The following NPB variants were observed in gnomAD, a reference collection of about 807,000 sequenced individuals.
NPB encodes neuropeptide B.
In NPB, 8 loss-of-function variants were observed where a neutral mutation model predicts 6.7. That is an observed-to-expected ratio of 1.20 (90% CI 0.71 to 2.17). The LOEUF (loss-of-function observed/expected upper bound fraction) is 2.17, where lower values mean the gene tolerates loss of function less well. Ranked by LOEUF, NPB falls within the 30% of genes most tolerant of loss-of-function variation. NPB has a pLI of 0.00. For missense variants in NPB, 199 were observed against 190.2 expected, an observed-to-expected ratio of 1.05 and a Z score of -0.27; for synonymous variants, 118 against 103.4, an observed-to-expected ratio of 1.14 and a Z score of -0.86.
chr17:81,902,418 C>T lies in NPB; in HGVS notation c.141C>T (p.Leu47=). ...GCGCCGCGGGGCTGCTGTCCGGCCT[C>T]CGCAGGTCCCCGTACGCGCGGCGCT... The part of the protein sequence containing the change: ...VGRAAGLLSG[L]RRSPYARRSQ... Residue 47 remains leucine (L), a synonymous_variant, in exon 1 of 2, where the codon CTC becomes CTT. Coordinates refer to ENST00000333383, the MANE Select transcript of NPB (RefSeq NM_148896.5). 1.5e-6 allele frequency: 2 copies of T among 1,351,598 alleles called. No individual in the cohort carries two copies. Among genetic ancestry groups the T allele is most frequent in the Non-Finnish European group, 1.9e-6 (2 of 1,059,380 alleles). 83.7% of individuals were successfully genotyped at this position (1,351,598 alleles called of 1,614,324 possible). A position where few individuals can be genotyped will look rare whatever the true frequency, so the allele number is the denominator to read the frequency against.
Position 81,902,616 on chromosome 17 carries a change from C to G in NPB, c.250-4C>G. On this transcript the variant is annotated splice_polypyrimidine_tract_variant and splice_region_variant and intron_variant, in intron 1 of 1. Coordinates refer to ENST00000333383, the MANE Select transcript of NPB (RefSeq NM_148896.5). ...CCCTCAGCCTTTGCTTGCCTGCCCC[C>G]CAGGCTGTGTGCGTCCAGGACGTCG... The G allele has an allele frequency of 6.3e-7, 1 of 1,581,488 alleles. No individual in the cohort carries two copies.
Position 81,902,352 on chromosome 17 carries a change from G to T in NPB, c.75G>T (p.Trp25Cys). 7.4e-7 allele frequency: 1 copy of T among 1,348,746 alleles called. No individual in the cohort carries two copies. Among genetic ancestry groups the T allele is most frequent in the South Asian group, 1.9e-5 (1 of 51,352 alleles). 83.5% of individuals were successfully genotyped at this position (1,348,746 alleles called of 1,614,324 possible). A position where few individuals can be genotyped will look rare whatever the true frequency, so the allele number is the denominator to read the frequency against. ...CLLLAPPGLAWYKPAAGHSSY... is the reference protein window; with the variant it reads ...CLLLAPPGLACYKPAAGHSSY... ...TGCTGGCGCCGCCTGGCCTCGCGTGGTACAAGCCAGCGGCGGGGCACAGCT... is the reference window on the plus strand; with the variant it reads ...TGCTGGCGCCGCCTGGCCTCGCGTGTTACAAGCCAGCGGCGGGGCACAGCT... Residue 25 changes from tryptophan (W) to cysteine (C), a missense_variant, in exon 1 of 2, where the codon TGG becomes TGT. Trp to Cys is a radical substitution (Grantham distance 215). Transcript: ENST00000333383.
At position 81,902,285 on chromosome 17, in the gene NPB, G is replaced by A. The variant is rs1354484896; in HGVS notation, c.8G>A (p.Arg3Gln). 1 of 1,310,780 alleles carries A rather than the reference G, an allele frequency of 7.6e-7. No homozygotes were observed. The highest frequency in any genetic ancestry group is 2.3e-5 in the South Asian group (1 of 43,746). The allele number at this position is 1,310,780 out of a possible 1,614,324, so 81.2% of individuals were successfully genotyped here. MA[R>Q]SATLAAAALA... The stretch of plus-strand genomic sequence containing the variant: ...CAGTCAGCCGGCGTCCCCATGGCCC[G>A]GTCCGCGACACTGGCGGCCGCCGCC... The change falls in exon 1 of 2, where the codon CGG becomes CAG. Residue 3 changes from arginine to glutamine, a missense_variant. Arg to Gln is a conservative substitution (Grantham distance 43). Transcript: ENST00000333383.
In NPB at chr17:81,902,687, C is replaced by T. The variant is rs768544542; in HGVS notation, c.317C>T (p.Thr106Ile). Residue 106 changes from threonine (T) to isoleucine (I), a missense_variant, in exon 2 of 2, where the codon ACC becomes ATC. Physicochemically the swap from Thr to Ile is moderately conservative, Grantham distance 89. Transcript: ENST00000333383. ...RCERLPDGRG[T>I]YQCKANVFLS... is the part of the protein sequence containing the mutation. Reference sequence around the variant, plus strand: ...GAGCGGCTCCCCGACGGCCGCGGGACCTACCAGTGCAAGGCGAACGTCTTC... The same window carrying T: ...GAGCGGCTCCCCGACGGCCGCGGGATCTACCAGTGCAAGGCGAACGTCTTC... The T allele has an allele frequency of 2.0e-5, 32 of 1,608,774 alleles. No individual in the cohort carries two copies. The South Asian group carries it at 3.2e-4, about 16-fold the overall frequency.
Position 81,902,252 on chromosome 17 carries a change from C to A in NPB, c.-26C>A. ...GTGGCTGCTCCGAGCCCGGACGCCG[C>A]CGCCCACCAGTCAGCCGGCGTCCCC... On this transcript the variant is annotated 5_prime_UTR_variant, in exon 1 of 2. Coordinates refer to ENST00000333383, the MANE Select transcript of NPB (RefSeq NM_148896.5). 1 of 1,233,414 alleles carries A rather than the reference C, an allele frequency of 8.1e-7. No individual in the cohort carries two copies. 76.4% of individuals were successfully genotyped at this position (1,233,414 alleles called of 1,614,324 possible). A position where few individuals can be genotyped will look rare whatever the true frequency, so the allele number is the denominator to read the frequency against.
At position 81,902,343 on chromosome 17, in the gene NPB, C is replaced by A; in HGVS notation, c.66C>A (p.Gly22=). ...TGTGCCTGCTGCTGGCGCCGCCTGG[C>A]CTCGCGTGGTACAAGCCAGCGGCGG... is the stretch of plus-strand genomic sequence containing the variant. The part of the protein sequence containing the change: ...LALCLLLAPP[G]LAWYKPAAGH... The change falls in exon 1 of 2, where the codon GGC becomes GGA. Residue 22 remains glycine (G), a synonymous_variant. Coordinates refer to ENST00000333383, the MANE Select transcript of NPB (RefSeq NM_148896.5). 2 of 1,340,710 alleles carry A rather than the reference C, an allele frequency of 1.5e-6. No individual in the cohort carries two copies. The highest frequency in any genetic ancestry group is 1.9e-6 in the Non-Finnish European group (2 of 1,054,486). The allele number at this position is 1,340,710 out of a possible 1,614,324, so 83.1% of individuals were successfully genotyped here.
Position 81,902,744 on chromosome 17 carries a change from C to G in NPB, c.374C>G (p.Ala125Gly), listed in dbSNP as rs2040010724. 2.5e-6 allele frequency: 4 copies of G among 1,606,060 alleles called. No homozygotes were observed. The highest frequency in any genetic ancestry group is 1.7e-4 in the Middle Eastern group (1 of 6,034). Residue 125 changes from alanine to glycine, a missense_variant, in exon 2 of 2, where the codon GCC becomes GGC. Transcript: ENST00000333383. ...CTGCGCGCAGCCGACTGCCTCGCCGCCTGAGCCCGGACCTCTCCTGGCACC... is the reference window on the plus strand; with the variant it reads ...CTGCGCGCAGCCGACTGCCTCGCCGGCTGAGCCCGGACCTCTCCTGGCACC... Reference protein sequence around the residue: ...LSLRAADCLAA With the variant: ...LSLRAADCLAG
Position 81,902,362 on chromosome 17 carries a change from G to A in NPB, c.85G>A (p.Ala29Thr). The A allele has an allele frequency of 3.7e-6, 5 of 1,347,120 alleles. No individual in the cohort carries two copies. Among genetic ancestry groups the A allele is most frequent in the Non-Finnish European group, 4.7e-6 (5 of 1,059,400 alleles). 83.4% of individuals were successfully genotyped at this position (1,347,120 alleles called of 1,614,324 possible). A position where few individuals can be genotyped will look rare whatever the true frequency, so the allele number is the denominator to read the frequency against. Residue 29 changes from alanine to threonine, a missense_variant, in exon 1 of 2, where the codon GCG becomes ACG. Physicochemically the swap from Ala to Thr is moderately conservative, Grantham distance 58 (BLOSUM62 0). Transcript: ENST00000333383. Reference sequence around the variant, plus strand: ...GCCTGGCCTCGCGTGGTACAAGCCAGCGGCGGGGCACAGCTCCTACTCGGT... The same window carrying A: ...GCCTGGCCTCGCGTGGTACAAGCCAACGGCGGGGCACAGCTCCTACTCGGT... Reference protein sequence around the residue: ...APPGLAWYKPAAGHSSYSVGR... With the variant: ...APPGLAWYKPTAGHSSYSVGR...
intron 1 of NPB, 24 bp from the exon 2 acceptor site, chr17:81,902,596 A>G (rs1189782361): frequency 3.9e-6 from 6 of 1,544,636 alleles, no homozygotes; most frequent in Non-Finnish European, 5.2e-6. Context: ...GCGGCCCCTC[A>G]GCCTTTGCTT....
rs2040017955 is a variant in NPB, at chr17:81,902,885, A to ACC, written c.*137_*138insCC. 1.3e-6 allele frequency: 1 copy of ACC among 742,996 alleles called. No individual in the cohort carries two copies. Among genetic ancestry groups the ACC allele is most frequent in the Non-Finnish European group, 2.0e-6 (1 of 489,362 alleles). The allele number at this position is 742,996 out of a possible 1,614,324, so 46.0% of individuals were successfully genotyped here. On this transcript the variant is annotated 3_prime_UTR_variant, in exon 2 of 2. Transcript: ENST00000333383. ...CCCCGCAGTTAATGGCAAACGAATA[A>ACC]ATAAATGAGGCGGCCTCGGAGTGAG...
chr17:81,902,506 C>A lies in NPB; in HGVS notation c.229C>A (p.His77Asn). The change falls in exon 1 of 2, where the codon CAC (histidine) becomes AAC (asparagine). Residue 77 changes from histidine (H) to asparagine (N), a missense_variant. His to Asn is a moderately conservative substitution (Grantham distance 68). Coordinates refer to ENST00000333383, the MANE Select transcript of NPB (RefSeq NM_148896.5). ...GAGASPELQL[H>N]PRLRSLAVCV... ...CGGCGCCTCCCCGGAGCTGCAACTG[C>A]ACCCCAGGCTGCGGAGCCTCGTGAG... 7.0e-7 allele frequency: 1 copy of A among 1,433,138 alleles called. No homozygotes were observed. The highest frequency in any genetic ancestry group is 1.4e-5 in the South Asian group (1 of 70,646). The allele number at this position is 1,433,138 out of a possible 1,614,324, so 88.8% of individuals were successfully genotyped here.
chr17:81,902,335 C>A lies in NPB; in HGVS notation c.58C>A (p.Pro20Thr). Residue 20 changes from proline to threonine, a missense_variant, in exon 1 of 2, where the codon CCG (proline) becomes ACG (threonine). Physicochemically the swap from Pro to Thr is conservative, Grantham distance 38 (BLOSUM62 -1). Coordinates refer to ENST00000333383, the MANE Select transcript of NPB (RefSeq NM_148896.5). ...CCTGGCGCTGTGCCTGCTGCTGGCG[C>A]CGCCTGGCCTCGCGTGGTACAAGCC... ...AALALCLLLA[P>T]PGLAWYKPAA... 1 of 1,340,678 alleles carries A rather than the reference C, an allele frequency of 7.5e-7. No individual in the cohort carries two copies. 83.0% of individuals were successfully genotyped at this position (1,340,678 alleles called of 1,614,324 possible). A position where few individuals can be genotyped will look rare whatever the true frequency, so the allele number is the denominator to read the frequency against.
chr17:81,902,338 C>G lies in NPB; in HGVS notation c.61C>G (p.Pro21Ala). 3.7e-6 allele frequency: 5 copies of G among 1,341,504 alleles called. No individual in the cohort carries two copies. Among genetic ancestry groups the G allele is most frequent in the Non-Finnish European group, 4.7e-6 (5 of 1,053,884 alleles). 83.1% of individuals were successfully genotyped at this position (1,341,504 alleles called of 1,614,324 possible). Reference sequence around the variant, plus strand: ...GGCGCTGTGCCTGCTGCTGGCGCCGCCTGGCCTCGCGTGGTACAAGCCAGC... The same window carrying G: ...GGCGCTGTGCCTGCTGCTGGCGCCGGCTGGCCTCGCGTGGTACAAGCCAGC... Reference protein sequence around the residue: ...ALALCLLLAPPGLAWYKPAAG... With the variant: ...ALALCLLLAPAGLAWYKPAAG... Residue 21 changes from proline (P) to alanine (A), a missense_variant, in exon 1 of 2, where the codon CCT becomes GCT. Coordinates refer to ENST00000333383, the MANE Select transcript of NPB (RefSeq NM_148896.5).
rs988293533 is a variant in NPB, at chr17:81,902,382, C to T, written c.105C>T (p.Tyr35=). Residue 35 remains tyrosine (Y), a synonymous_variant, in exon 1 of 2, where the codon TAC becomes TAT. Transcript: ENST00000333383. ...WYKPAAGHSS[Y]SVGRAAGLLS... ...AGCCAGCGGCGGGGCACAGCTCCTA[C>T]TCGGTGGGCCGCGCCGCGGGGCTGC... The T allele has an allele frequency of 7.4e-7, 1 of 1,343,122 alleles. No individual in the cohort carries two copies. The highest frequency in any genetic ancestry group is 1.9e-5 in the South Asian group (1 of 52,354). 83.2% of individuals were successfully genotyped at this position (1,343,122 alleles called of 1,614,324 possible).
At position 81,902,435 on chromosome 17, in the gene NPB, C is replaced by T. The variant is rs1010888812; in HGVS notation, c.158C>T (p.Ala53Val). 13 of 1,353,326 alleles carry T rather than the reference C, an allele frequency of 9.6e-6. No homozygotes were observed. The South Asian group carries it at 2.4e-4, about 25-fold the overall frequency. 83.8% of individuals were successfully genotyped at this position (1,353,326 alleles called of 1,614,324 possible). Residue 53 changes from alanine to valine, a missense_variant, in exon 1 of 2, where the codon GCG becomes GTG. Ala to Val is a moderately conservative substitution (Grantham distance 64). Transcript: ENST00000333383. The part of the protein sequence containing the change: ...LLSGLRRSPY[A>V]RRSQPYRGAE... Reference sequence around the variant, plus strand: ...TCCGGCCTCCGCAGGTCCCCGTACGCGCGGCGCTCCCAGCCCTACAGAGGG... The same window carrying T: ...TCCGGCCTCCGCAGGTCCCCGTACGTGCGGCGCTCCCAGCCCTACAGAGGG...
At position 81,902,375 on chromosome 17, in the gene NPB, G is replaced by C; in HGVS notation, c.98G>C (p.Ser33Thr). 2 of 1,342,924 alleles carry C rather than the reference G, an allele frequency of 1.5e-6. No homozygotes were observed. The highest frequency in any genetic ancestry group is 1.9e-6 in the Non-Finnish European group (2 of 1,054,412). The allele number at this position is 1,342,924 out of a possible 1,614,324, so 83.2% of individuals were successfully genotyped here. The change falls in exon 1 of 2, where the codon AGC becomes ACC. Residue 33 changes from serine (S) to threonine (T), a missense_variant. Transcript: ENST00000333383. Reference protein sequence around the residue: ...LAWYKPAAGHSSYSVGRAAGL... With the variant: ...LAWYKPAAGHTSYSVGRAAGL... ...TGGTACAAGCCAGCGGCGGGGCACA[G>C]CTCCTACTCGGTGGGCCGCGCCGCG... is the stretch of plus-strand genomic sequence containing the variant.
chr17:81,902,467 C>A lies in NPB; in HGVS notation c.190C>A (p.Pro64Thr). 1.4e-6 allele frequency: 2 copies of A among 1,388,942 alleles called. No individual in the cohort carries two copies. Among genetic ancestry groups the A allele is most frequent in the Non-Finnish European group, 1.9e-6 (2 of 1,080,510 alleles). The allele number at this position is 1,388,942 out of a possible 1,614,324, so 86.0% of individuals were successfully genotyped here. Residue 64 changes from proline to threonine, a missense_variant, in exon 1 of 2, where the codon CCC becomes ACC. Physicochemically the swap from Pro to Thr is conservative, Grantham distance 38. Coordinates refer to ENST00000333383, the MANE Select transcript of NPB (RefSeq NM_148896.5). Reference protein sequence around the residue: ...RRSQPYRGAEPPGGAGASPEL... With the variant: ...RRSQPYRGAETPGGAGASPEL... ...CTCCCAGCCCTACAGAGGGGCGGAA[C>A]CCCCGGGCGGGGCCGGCGCCTCCCC...
In NPB at chr17:81,902,260, C is replaced by A; in HGVS notation, c.-18C>A. Reference sequence around the variant, plus strand: ...TCCGAGCCCGGACGCCGCCGCCCACCAGTCAGCCGGCGTCCCCATGGCCCG... The same window carrying A: ...TCCGAGCCCGGACGCCGCCGCCCACAAGTCAGCCGGCGTCCCCATGGCCCG... On this transcript the variant is annotated 5_prime_UTR_variant, in exon 1 of 2. Coordinates refer to ENST00000333383, the MANE Select transcript of NPB (RefSeq NM_148896.5). The A allele has an allele frequency of 8.1e-7, 1 of 1,240,902 alleles. No individual in the cohort carries two copies. Among genetic ancestry groups the A allele is most frequent in the South Asian group, 3.4e-5 (1 of 29,134 alleles). The allele number at this position is 1,240,902 out of a possible 1,614,324, so 76.9% of individuals were successfully genotyped here.
Position 81,902,512 on chromosome 17 carries a change from A to T in NPB, c.235A>T (p.Arg79Trp). The change falls in exon 1 of 2, where the codon AGG (arginine) becomes TGG (tryptophan). Residue 79 changes from arginine to tryptophan, a missense_variant. Physicochemically the swap from Arg to Trp is moderately radical, Grantham distance 101 (BLOSUM62 -3). Transcript: ENST00000333383. The part of the protein sequence containing the change: ...GASPELQLHP[R>W]LRSLAVCVQD... ...CTCCCCGGAGCTGCAACTGCACCCC[A>T]GGCTGCGGAGCCTCGTGAGTCCGGC... The T allele has an allele frequency of 6.9e-7, 1 of 1,443,568 alleles. No homozygotes were observed. Among genetic ancestry groups the T allele is most frequent in the South Asian group, 1.4e-5 (1 of 72,694 alleles). The allele number at this position is 1,443,568 out of a possible 1,614,324, so 89.4% of individuals were successfully genotyped here. A position where few individuals can be genotyped will look rare whatever the true frequency, so the allele number is the denominator to read the frequency against.
Sources: gnomAD v4.1 joint callset for allele counts on GRCh38, gnomAD v4.1.1 for gene constraint, MANE v1.5 for transcripts, NCBI Gene and HGNC (gene_info 2026-07-23, HGNC 2026-07-21) for gene names.